MRTFA: variants seen among roughly 807,000 people sequenced by gnomAD.
MRTFA encodes the protein myocardin related transcription factor A, also known as myocardin-related transcription factor A.
MRTFA carries 20 observed loss-of-function variants against 83.5 expected under a neutral mutation model. That is an observed-to-expected ratio of 0.24 (90% confidence interval 0.17 to 0.35). The LOEUF (loss-of-function observed/expected upper bound fraction) is 0.35, where lower values mean the gene tolerates loss of function less well. Ranked by LOEUF, MRTFA falls within the 10% of genes least tolerant of loss-of-function variation. The probability of loss-of-function intolerance (pLI) is 1.00; values close to 1 mark genes in which losing one functional copy is unlikely to be tolerated. For synonymous variants in MRTFA, 659 were observed against 541.2 expected (o/e 1.22, Z -3.02); for missense variants, 1,200 against 1,224.7 (o/e 0.98, Z 0.30).
chr22:40,416,916 C>G lies in MRTFA; in HGVS notation c.2578+70G>C. ...CACGGAAGCATTCAATAAAAACAAA[C>G]CAACCCAGGGCTAGAGACACCTATG... On this transcript the variant is annotated intron_variant, in intron 14 of 14. Transcript: ENST00000355630. The surrounding 1 kb of genome is among the most constrained non-coding windows in gnomAD (Gnocchi z 4.2). The G allele has an allele frequency of 4.8e-6, 7 of 1,460,750 alleles. No individual in the cohort carries two copies. Among genetic ancestry groups the G allele is most frequent in the Non-Finnish European group, 6.5e-6 (7 of 1,071,358 alleles). The allele number at this position is 1,460,750 out of a possible 1,614,324, so 90.5% of individuals were successfully genotyped here. A position where few individuals can be genotyped will look rare whatever the true frequency, so the allele number is the denominator to read the frequency against.
chr22:40,491,704 T>A (rs1467374300), intron 3 of MRTFA, among the ~76,000 whole-genome samples: 1 of 152,090 alleles, frequency 6.6e-6, no homozygotes, highest in African/African-American at 2.4e-5. Context: ...TATTCCACAA[T>A]CTAGGCTTGG....
intron 3 of MRTFA, among the ~76,000 whole-genome samples, chr22:40,535,569 T>G (rs1809835569): frequency 6.6e-6 from 1 of 152,018 alleles, no homozygotes; most frequent in South Asian, 2.1e-4. Flanking sequence ...CCCAGGCTGG[T>G]CTCGAACTCC....
chr22:40,539,792 G>A (rs1226392086), intron 3 of MRTFA, among the ~76,000 whole-genome samples: 1 of 151,736 alleles, frequency 6.6e-6, no homozygotes, highest in Non-Finnish European at 1.5e-5. Context: ...ACGAGCCACC[G>A]CGCCCAGCCG....
At chr22:40,475,800 GA>G (rs2053985195) in intron 3 of MRTFA, among the ~76,000 whole-genome samples, 1 of 152,170 alleles carries the variant, frequency 6.6e-6, no homozygotes, top group Non-Finnish European at 1.5e-5. Flanking sequence ...GGAAGTCAGA[GA>G]AAAAGAGAAA....
intron 4 of MRTFA, among the ~76,000 whole-genome samples, chr22:40,457,887 T>C (rs2053625572): frequency 6.6e-6 from 1 of 152,206 alleles, no homozygotes; most frequent in South Asian, 2.1e-4. Flanking sequence ...CTTTTCTGAT[T>C]TGTCTAGGTC....
At chr22:40,559,587 TG>T (rs1203179834) in intron 2 of MRTFA, among the ~76,000 whole-genome samples, 2 of 151,794 alleles carry the variant, frequency 1.3e-5, no homozygotes, top group African/African-American at 4.8e-5. Flanking sequence ...TTCACTTTTT[TG>T]TAGAGACGAG....
intron 3 of MRTFA, among the ~76,000 whole-genome samples, chr22:40,543,544 C>T (rs1317604587): frequency 6.6e-6 from 1 of 152,184 alleles, no homozygotes; most frequent in Non-Finnish European, 1.5e-5. Flanking sequence ...CATAGAACTG[C>T]ACCTTTACAT....
intron 3 of MRTFA, among the ~76,000 whole-genome samples, chr22:40,510,906 G>T (rs117636434): frequency 1.3e-5 from 2 of 152,116 alleles, no homozygotes; most frequent in African/African-American, 4.8e-5. Flanking sequence ...AAAAAAGCAC[G>T]AAGTGTTCTG....
intron 4 of MRTFA, among the ~76,000 whole-genome samples, chr22:40,440,377 C>T (rs1339574597): frequency 6.6e-6 from 1 of 152,194 alleles, no homozygotes; most frequent in African/African-American, 2.4e-5. Context: ...CTAGTTCTGC[C>T]TTTCCTTTCT....
intron 3 of MRTFA, among the ~76,000 whole-genome samples, chr22:40,487,450 G>C (rs143017523): frequency 8.1e-4 from 124 of 152,264 alleles, no homozygotes; most frequent in Middle Eastern, 3.4e-3. Flanking sequence ...GCCAAGCTTA[G>C]AGCAACTTAG....
intron 1 of MRTFA, among the ~76,000 whole-genome samples, chr22:40,620,898 T>C (rs1487419861): frequency 6.6e-6 from 1 of 152,082 alleles, no homozygotes; most frequent in Non-Finnish European, 1.5e-5. Context: ...AGGAAGGCTG[T>C]TGGCTGGATG....
intron 3 of MRTFA, among the ~76,000 whole-genome samples, chr22:40,503,577 T>C (rs2054532510): frequency 1.3e-5 from 2 of 152,342 alleles, no homozygotes; most frequent in South Asian, 4.1e-4. Flanking sequence ...CCGATATTAT[T>C]GATCAACAAC....
chr22:40,423,498 C>T, intron 9 of MRTFA, 38 bp downstream of exon 9: 2 of 1,432,420 alleles, frequency 1.4e-6, no homozygotes, highest in Non-Finnish European at 1.9e-6. Context: ...CCAAAGGGCA[C>T]AGGGAAGGGG....
chr22:40,582,621 C>A (rs576352276), intron 2 of MRTFA, among the ~76,000 whole-genome samples: 1 of 151,976 alleles, frequency 6.6e-6, no homozygotes, highest in East Asian at 1.9e-4. Flanking sequence ...AAGGTTACTT[C>A]CTTCCATACA....
intron 2 of MRTFA, among the ~76,000 whole-genome samples, chr22:40,592,944 C>CT (rs1227335777): frequency 6.6e-6 from 1 of 152,096 alleles, no homozygotes; most frequent in Non-Finnish European, 1.5e-5. Context: ...CAGTACTGTA[C>CT]TTTTTTACTC....
intron 6 of MRTFA, among the ~76,000 whole-genome samples, chr22:40,430,394 A>C (rs1485788907): frequency 6.6e-6 from 1 of 152,114 alleles, no homozygotes; most frequent in Non-Finnish European, 1.5e-5. Flanking sequence ...AGGCTGAGAC[A>C]GGAGAATTGC....
At chr22:40,421,172 CCCA>C in intron 9 of MRTFA, 72 bp from the exon 10 acceptor site, 2 of 1,479,788 alleles carry the variant, frequency 1.4e-6, no homozygotes, top group Non-Finnish European at 1.8e-6. Context: ...GGCAACTCTC[CCCA>C]CACCTGTGTG....
At chr22:40,549,626 A>C (rs1238686729) in intron 3 of MRTFA, among the ~76,000 whole-genome samples, 1 of 152,250 alleles carries the variant, frequency 6.6e-6, no homozygotes, top group Non-Finnish European at 1.5e-5. Context: ...CTCACTAAGC[A>C]GTAGTTACTA....
chr22:40,496,804 C>A (rs1331655786), intron 3 of MRTFA, among the ~76,000 whole-genome samples: 1 of 150,464 alleles, frequency 6.6e-6, no homozygotes, highest in Non-Finnish European at 1.5e-5. Flanking sequence ...TAACTACTGT[C>A]TTTATAATAA....
Sources: gnomAD v4.1 joint callset for allele counts (sites outside exome capture counted in the v4.1 genomes callset) on GRCh38, gnomAD v4.1.1 for gene constraint, Gnocchi (gnomAD v3.1) non-coding constraint, MANE v1.5 for transcripts, NCBI Gene and HGNC (gene_info 2026-07-23, HGNC 2026-07-21) for gene names.